RHOBTB1: variants seen among roughly 807,000 people sequenced by gnomAD.
RHOBTB1 encodes the protein rho-related BTB domain-containing protein 1.
In RHOBTB1, 40 loss-of-function variants were observed where a neutral mutation model predicts 71.6. The observed-to-expected ratio is 0.56, with a 90% CI of 0.43 to 0.73. The LOEUF is 0.73. Ranked by LOEUF, RHOBTB1 falls within the 30% of genes least tolerant of loss-of-function variation. RHOBTB1 has a pLI of 0.00. For missense variants in RHOBTB1, 797 were observed against 894.0 expected (o/e 0.89, Z 1.38); for synonymous variants, 319 against 334.9 (o/e 0.95, Z 0.52).
intron 4 of RHOBTB1, among the ~76,000 whole-genome samples, chr10:60,903,198 T>A (rs1283898648): frequency 2.0e-5 from 3 of 152,220 alleles, no homozygotes; most frequent in African/African-American, 7.2e-5. Context: ...AGCTTGAGAA[T>A]AGGTGGGATA....
At chr10:60,989,567 A>G (rs1417041541) in intron 1 of RHOBTB1, among the ~76,000 whole-genome samples, 2 of 152,184 alleles carry the variant, frequency 1.3e-5, no homozygotes, top group Non-Finnish European at 2.9e-5. Flanking sequence ...ATAGACACTC[A>G]TCTTTCTTCT....
chr10:60,888,839 G>T lies in RHOBTB1; in HGVS notation c.829C>A (p.His277Asn). The T allele has an allele frequency of 1.2e-6, 2 of 1,614,230 alleles. No individual in the cohort carries two copies. The highest frequency in any genetic ancestry group is 1.1e-5 in the South Asian group (1 of 91,088). The change falls in exon 6 of 11, where the codon CAC (histidine) becomes AAC (asparagine). Residue 277 changes from histidine (H) to asparagine (N), a missense_variant. By Grantham distance (68) the His-to-Asn change is moderately conservative. This residue lies in a region of RHOBTB1 where 658 missense variants were observed against 681.5 expected (regional missense o/e 0.97). Coordinates refer to ENST00000337910, the MANE Select transcript of RHOBTB1 (RefSeq NM_014836.5). ...DVLFILQDQE[H>N]IFAHRIYLAT... ...AGGTAAATTCGATGTGCAAAGATGT[G>T]TTCCTGGTCCTGAAGGATGAACAGA...
rs529864300 is a variant in RHOBTB1 at position 60,879,512 on chromosome 10, A to T, written c.1576-1454T>A. On this transcript the variant is annotated intron_variant, in intron 7 of 10. Transcript: ENST00000337910. ...CACGCCCGGCTAATTTATTTTATTAATTTTTTTTTTTTGTAGAAATGGCGG... is the reference window on the plus strand; with the variant it reads ...CACGCCCGGCTAATTTATTTTATTATTTTTTTTTTTTTGTAGAAATGGCGG... Among the ~76,000 whole-genome samples the T allele has an allele frequency of 1.8e-3, 255 of 144,826 alleles. 1 individual carries two copies. Among genetic ancestry groups the T allele is most frequent in the African/African-American group, 5.8e-3 (231 of 39,616 alleles).
chr10:60,879,226 T>C (rs2081192243), intron 7 of RHOBTB1, among the ~76,000 whole-genome samples: 1 of 152,204 alleles, frequency 6.6e-6, no homozygotes, highest in South Asian at 2.1e-4. Context: ...GTGCTGGAAA[T>C]GTTTAATGCC....
At chr10:60,998,524 C>T (rs1221864842) in intron 1 of RHOBTB1, among the ~76,000 whole-genome samples, 1 of 151,914 alleles carries the variant, frequency 6.6e-6, no homozygotes, top group Non-Finnish European at 1.5e-5. Context: ...TAACTGAGGG[C>T]TGAGATAGAG....
In RHOBTB1 at chr10:60,871,426, A is replaced by T; in HGVS notation, c.*56T>A. The T allele has an allele frequency of 6.4e-7, 1 of 1,556,090 alleles. No individual in the cohort carries two copies. The highest frequency in any genetic ancestry group is 1.7e-4 in the Middle Eastern group (1 of 5,824). On this transcript the variant is annotated 3_prime_UTR_variant, in exon 11 of 11. Coordinates refer to ENST00000337910, the MANE Select transcript of RHOBTB1 (RefSeq NM_014836.5). ...CGAATTTTATAGTAGTGCTTTGAAA[A>T]GTGGTGGATCAGATTACCGATTGGT...
At position 60,892,966 on chromosome 10, in the gene RHOBTB1, A is replaced by G. The variant is rs1173618740; in HGVS notation, c.326T>C (p.Ile109Thr). The change falls in exon 5 of 11, where the codon ATT becomes ACT. Residue 109 changes from isoleucine to threonine, a missense_variant. Ile to Thr is a moderately conservative substitution (Grantham distance 89). This residue lies in a region of RHOBTB1 where 139 missense variants were observed against 212.5 expected (regional missense o/e 0.65). Transcript: ENST00000337910. Reference sequence around the variant, plus strand: ...ATGATTTAGGGAATTGGGATTAGCAATCGAAAAACAGAGGACCACAACATC... The same window carrying G: ...ATGATTTAGGGAATTGGGATTAGCAGTCGAAAAACAGAGGACCACAACATC... Reference protein sequence around the residue: ...RSDVVVLCFSIANPNSLNHVK... With the variant: ...RSDVVVLCFSTANPNSLNHVK... 3 of 1,613,920 alleles carry G rather than the reference A, an allele frequency of 1.9e-6. No individual in the cohort carries two copies. The East Asian group carries it at 6.7e-5, about 36-fold the overall frequency.
At chr10:60,899,984 CT>C (rs1448055598) in intron 4 of RHOBTB1, among the ~76,000 whole-genome samples, 5 of 152,010 alleles carry the variant, frequency 3.3e-5, no homozygotes, top group Non-Finnish European at 5.9e-5. Context: ...ATGCCAGTAT[CT>C]GGGGGAAGAA....
At chr10:60,935,782 T>C (rs930577119) in intron 2 of RHOBTB1, among the ~76,000 whole-genome samples, 1 of 152,212 alleles carries the variant, frequency 6.6e-6, no homozygotes, top group Non-Finnish European at 1.5e-5. Context: ...GTTATTTCTA[T>C]TTACTATTAA....
rs1230956503 is a variant in RHOBTB1 at position 60,996,049 on chromosome 10, A to G, written c.-163+5350T>C. Among the ~76,000 whole-genome samples the G allele has an allele frequency of 2.0e-5, 3 of 152,268 alleles. No individual in the cohort carries two copies. In the East Asian group the frequency reaches 5.8e-4, roughly 29 times the overall value. ...CTTCTATTATTATTCCCAATTCACA[A>G]CTCAGGAGATGGGGACTCACAGAAG... On this transcript the variant is annotated intron_variant, in intron 1 of 11. Coordinates refer to the RHOBTB1 transcript ENST00000357917.
At chr10:60,911,036 T>C in intron 3 of RHOBTB1, 46 bp from the exon 4 acceptor site, 1 of 1,511,938 alleles carries the variant, frequency 6.6e-7, no homozygotes, top group Non-Finnish European at 9.2e-7. Flanking sequence ...CAGTCAGAAG[T>C]TCCCCAGGAG....
At chr10:60,993,531 GAA>G (rs1166857646) in intron 1 of RHOBTB1, among the ~76,000 whole-genome samples, 1 of 152,010 alleles carries the variant, frequency 6.6e-6, no homozygotes, top group African/African-American at 2.4e-5. Context: ...CAAAAACTGA[GAA>G]CAAAATTTGT....
At chr10:60,920,815 C>T (rs868314432) in intron 2 of RHOBTB1, among the ~76,000 whole-genome samples, 10 of 151,358 alleles carry the variant, frequency 6.6e-5, no homozygotes, top group Admixed American at 1.3e-4. Context: ...CCACCATGCC[C>T]GGCTAATTTT....
At chr10:60,928,718 T>C (rs1448306704) in intron 2 of RHOBTB1, among the ~76,000 whole-genome samples, 1 of 151,974 alleles carries the variant, frequency 6.6e-6, no homozygotes, top group Non-Finnish European at 1.5e-5. Context: ...GGTAGCACAA[T>C]GGGGCAACTA....
At position 60,893,305 on chromosome 10, in the gene RHOBTB1, C is replaced by T. The variant is rs1007870208; in HGVS notation, c.297-310G>A. On this transcript the variant is annotated intron_variant, in intron 4 of 10. Transcript: ENST00000337910. ...ACTTGTCTCAGTCCTGGAACCACAA[C>T]ATGCTGAACTATTTCTCTTCATCAC... Among the ~76,000 whole-genome samples the T allele has an allele frequency of 3.3e-5, 5 of 152,144 alleles. No individual in the cohort carries two copies. The South Asian group carries it at 1.0e-3, about 32-fold the overall frequency.
intron 1 of RHOBTB1, among the ~76,000 whole-genome samples, chr10:60,994,025 G>A (rs555286712): frequency 2.0e-4 from 31 of 152,168 alleles, no homozygotes; most frequent in African/African-American, 7.5e-4. Context: ...CTGGGGAGGA[G>A]TTTCAAAATT....
At chr10:60,921,768 C>T (rs1009551874) in intron 2 of RHOBTB1, among the ~76,000 whole-genome samples, 1 of 152,202 alleles carries the variant, frequency 6.6e-6, no homozygotes, top group African/African-American at 2.4e-5. Context: ...GCCCTGTGGC[C>T]TTGAAAGCAG....
intron 8 of RHOBTB1, 81 bp downstream of exon 8, chr10:60,877,827 T>C: frequency 7.1e-7 from 1 of 1,412,662 alleles, no homozygotes; most frequent in Non-Finnish European, 9.6e-7. Context: ...TCAATTTTTA[T>C]TCTCTGTAAG....
At chr10:60,903,553 C>T (rs1224745347) in intron 4 of RHOBTB1, among the ~76,000 whole-genome samples, 2 of 152,096 alleles carry the variant, frequency 1.3e-5, no homozygotes, top group Non-Finnish European at 2.9e-5. Context: ...GATGAAGAAA[C>T]GGAAAATTTT....
Sources: gnomAD v4.1 joint callset for allele counts (sites outside exome capture counted in the v4.1 genomes callset) on GRCh38, gnomAD v4.1.1 for gene constraint, gnomAD v4.1.1 regional missense constraint, MANE v1.5 for transcripts, NCBI Gene and HGNC (gene_info 2026-07-23, HGNC 2026-07-21) for gene names.